Variants in EPHA8 observed in about 807,000 individuals in gnomAD.
EPHA8 encodes the protein EPH receptor A8.
In EPHA8, 58 loss-of-function variants were observed where a neutral mutation model predicts 103.6. The observed-to-expected ratio is 0.56, with a 90% CI of 0.45 to 0.70. EPHA8 has a LOEUF of 0.70. Ranked by LOEUF, EPHA8 falls within the 30% of genes least tolerant of loss-of-function variation. EPHA8 has a pLI of 0.00. For missense variants in EPHA8, 1,304 were observed against 1,395.2 expected (o/e 0.93, Z 1.04); for synonymous variants, 559 against 572.5 (o/e 0.98, Z 0.34).
intron 7 of EPHA8, among the ~76,000 whole-genome samples, chr1:22,594,353 C>T (rs1222467077): frequency 6.6e-6 from 1 of 152,256 alleles, no homozygotes; most frequent in Non-Finnish European, 1.5e-5. Context: ...GACAGCCCCC[C>T]ACACACCATG....
In EPHA8 at chr1:22,567,363, G is replaced by A. The variant is rs1569942404; in HGVS notation, c.95-1926G>A. Among the ~76,000 whole-genome samples, 1 of 152,294 alleles carries A rather than the reference G, an allele frequency of 6.6e-6. No homozygotes were observed. Among genetic ancestry groups the A allele is most frequent in the East Asian group, 1.9e-4 (1 of 5,162 alleles). On this transcript the variant is annotated intron_variant, in intron 1 of 16. Transcript: ENST00000166244. The surrounding 1 kb of genome is among the most constrained non-coding windows in gnomAD (Gnocchi z 4.2). ...TCCCCCTCCCACCAGCCAGCAGGAG[G>A]AGAGAGCTTGCCTGACCCAGTTTTC... is the stretch of plus-strand genomic sequence containing the variant.
chr1:22,592,072 T>C (rs1641387232), intron 5 of EPHA8, among the ~76,000 whole-genome samples: 1 of 152,116 alleles, frequency 6.6e-6, no homozygotes, highest in South Asian at 2.1e-4. Context: ...TCAGGAGTCC[T>C]AGAGGATCAA....
rs777852296 is a variant in EPHA8 at position 22,576,834 on chromosome 1, A to G, written c.777A>G (p.Lys259=). 1 of 1,609,028 alleles carries G rather than the reference A, an allele frequency of 6.2e-7. No homozygotes were observed. ...AEGEWLVPIG[K]CVCSAGYEER... is the part of the protein sequence containing the mutation. ...GCGAGTGGCTCGTGCCCATCGGCAA[A>G]TGCGTGTGCAGTGCCGGCTACGAGG... Residue 259 remains lysine (K), a synonymous_variant, in exon 3 of 17, where the codon AAA becomes AAG. Coordinates refer to ENST00000166244, the MANE Select transcript of EPHA8 (RefSeq NM_020526.5). The surrounding 1 kb of genome is among the most constrained non-coding windows in gnomAD (Gnocchi z 4.8).
At chr1:22,596,545 C>T (rs1408659133) in intron 9 of EPHA8, among the ~76,000 whole-genome samples, 1 of 152,260 alleles carries the variant, frequency 6.6e-6, no homozygotes, top group Non-Finnish European at 1.5e-5. Flanking sequence ...CACCCCACTC[C>T]TGTGCCCGTG....
At chr1:22,584,706 C>T (rs926818611) in intron 3 of EPHA8, among the ~76,000 whole-genome samples, 5 of 152,074 alleles carry the variant, frequency 3.3e-5, no homozygotes, top group African/African-American at 9.7e-5. Flanking sequence ...GTTCCATGGA[C>T]GGAGCCGGGA....
chr1:22,597,578 G>T lies in EPHA8; in HGVS notation c.1931-98G>T. 2 of 1,554,262 alleles carry T rather than the reference G, an allele frequency of 1.3e-6. No individual in the cohort carries two copies. The highest frequency in any genetic ancestry group is 1.9e-5 in the Admixed American group (1 of 54,042). On this transcript the variant is annotated intron_variant, in intron 10 of 16. Transcript: ENST00000166244. The surrounding 1 kb of genome is among the most constrained non-coding windows in gnomAD (Gnocchi z 4.6). Reference sequence around the variant, plus strand: ...GGGCAGAGGGAGCGTGTGACCCAGGGGTCTGGCAAGCCCAGGGGGTCCAAG... The same window carrying T: ...GGGCAGAGGGAGCGTGTGACCCAGGTGTCTGGCAAGCCCAGGGGGTCCAAG...
chr1:22,572,571 G>A (rs1640574646), intron 2 of EPHA8, among the ~76,000 whole-genome samples: 2 of 152,232 alleles, frequency 1.3e-5, no homozygotes, highest in African/African-American at 4.8e-5. Context: ...AACGAATGCT[G>A]CTTTAGGTAA....
intron 3 of EPHA8, among the ~76,000 whole-genome samples, chr1:22,580,032 C>A (rs1385532781): frequency 1.3e-5 from 2 of 151,718 alleles, no homozygotes; most frequent in East Asian, 3.9e-4. Context: ...ACTTAGGAGC[C>A]GTCTTGCCCA....
At chr1:22,570,737 G>A (rs1640520968) in intron 2 of EPHA8, among the ~76,000 whole-genome samples, 1 of 152,244 alleles carries the variant, frequency 6.6e-6, no homozygotes, top group Non-Finnish European at 1.5e-5. Flanking sequence ...CATGGCCCTG[G>A]CTCTCCAGGT....
rs373032976 is a variant in EPHA8 at position 22,601,468 on chromosome 1, C to T, written c.2898C>T (p.Asn966=). The T allele has an allele frequency of 7.5e-6, 12 of 1,609,450 alleles. No homozygotes were observed. The highest frequency in any genetic ancestry group is 3.3e-5 in the South Asian group (3 of 91,068). The change falls in exon 16 of 17, where the codon AAC becomes AAT. Residue 966 remains asparagine, a synonymous_variant. Coordinates refer to ENST00000166244, the MANE Select transcript of EPHA8 (RefSeq NM_020526.5). The part of the protein sequence containing the change: ...YSSLGMVLRM[N]AQDVRALGIT... ...CTCTGGGCATGGTGCTACGCATGAA[C>T]GCCCAGTGAGTGATGGGTGGGGCTG...
Position 22,576,856 on chromosome 1 carries a change from G to C in EPHA8, c.799G>C (p.Glu267Gln). The change falls in exon 3 of 17, where the codon GAG becomes CAG. Residue 267 changes from glutamate (E) to glutamine (Q), a missense_variant. Physicochemically the swap from Glu to Gln is conservative, Grantham distance 29. Coordinates refer to ENST00000166244, the MANE Select transcript of EPHA8 (RefSeq NM_020526.5). The surrounding 1 kb of genome is among the most constrained non-coding windows in gnomAD (Gnocchi z 4.8). ...CAAATGCGTGTGCAGTGCCGGCTAC[G>C]AGGAGCGGCGGGATGCCTGTGTGGG... ...IGKCVCSAGY[E>Q]ERRDACVACE... The C allele has an allele frequency of 6.3e-7, 1 of 1,598,392 alleles. No homozygotes were observed.
chr1:22,598,147 C>T lies in EPHA8; in HGVS notation c.2117-4C>T, dbSNP rs186358710. The T allele has an allele frequency of 2.0e-5, 32 of 1,613,446 alleles. No individual in the cohort carries two copies. In the African/African-American group the frequency reaches 4.0e-4, roughly 20 times the overall value. ...GAGCCACCCTCTCCCTACTGCCCGCCCAGGCCGCCTGGCAATGATTGTGAC... is the reference window on the plus strand; with the variant it reads ...GAGCCACCCTCTCCCTACTGCCCGCTCAGGCCGCCTGGCAATGATTGTGAC... On this transcript the variant is annotated splice_polypyrimidine_tract_variant and splice_region_variant and intron_variant, in intron 11 of 16. Coordinates refer to ENST00000166244, the MANE Select transcript of EPHA8 (RefSeq NM_020526.5). The surrounding 1 kb of genome is among the most constrained non-coding windows in gnomAD (Gnocchi z 5.1).
chr1:22,601,130 C>T (rs1641715120), intron 15 of EPHA8, 42 bp downstream of exon 15: 2 of 1,572,474 alleles, frequency 1.3e-6, no homozygotes, highest in Non-Finnish European at 1.7e-6. Flanking sequence ...CCAGCTGCCT[C>T]CCAGTATTGC....
rs1332468201 is a variant in EPHA8, at chr1:22,589,325, C to G, written c.1315+119C>G. 1.9e-6 allele frequency: 3 copies of G among 1,609,044 alleles called. No homozygotes were observed. In the South Asian group the frequency reaches 3.3e-5, roughly 18 times the overall value. On this transcript the variant is annotated intron_variant, in intron 5 of 16. Coordinates refer to ENST00000166244, the MANE Select transcript of EPHA8 (RefSeq NM_020526.5). The surrounding 1 kb of genome is among the most constrained non-coding windows in gnomAD (Gnocchi z 4.3). The stretch of plus-strand genomic sequence containing the variant: ...TGTGGGCCTTTAGGCAAGTGCCTCT[C>G]TGGCCCTGCGCTCCTCACCAGGACC...
intron 3 of EPHA8, among the ~76,000 whole-genome samples, chr1:22,583,487 C>G (rs1288695211): frequency 6.6e-6 from 1 of 152,192 alleles, no homozygotes; most frequent in Non-Finnish European, 1.5e-5. Flanking sequence ...GGCTCCCCCG[C>G]CTGACTGCAC....
Position 22,601,101 on chromosome 1 carries a change from C to A in EPHA8, c.2729+13C>A. On this transcript the variant is annotated intron_variant, in intron 15 of 16. Transcript: ENST00000166244. ...CCACAGTCAGCAGGTGCCTTGTGCC[C>A]ACCCCAGCTCCTTGAGGCCCAGCTG... 6.3e-7 allele frequency: 1 copy of A among 1,592,452 alleles called. No individual in the cohort carries two copies. Among genetic ancestry groups the A allele is most frequent in the South Asian group, 1.1e-5 (1 of 87,482 alleles).
At chr1:22,596,303 C>G (rs1167065907) in intron 9 of EPHA8, 130 bp downstream of exon 9, 6 of 893,508 alleles carry the variant, frequency 6.7e-6, no homozygotes, top group Non-Finnish European at 1.7e-6. Context: ...GAGGCAGATT[C>G]CAGGGTGTCA....
rs1569943366 is a variant in EPHA8 at position 22,567,858 on chromosome 1, A to G, written c.95-1431A>G. ...AAAGCCCATGGCTGTTGGCTGGGAG[A>G]AGGGGTCATGGAAGGCAGAGTGAAA... On this transcript the variant is annotated intron_variant, in intron 1 of 16. Transcript: ENST00000166244. This position sits in a 1 kb window ranked among gnomAD's most constrained non-coding sequence, Gnocchi z 4.2. 6.6e-6 allele frequency among the ~76,000 whole-genome samples: 1 copy of G among 152,046 alleles called. No individual in the cohort carries two copies. The highest frequency in any genetic ancestry group is 1.5e-5 in the Non-Finnish European group (1 of 68,028).
chr1:22,570,982 T>G (rs190143501), intron 2 of EPHA8, among the ~76,000 whole-genome samples: 1 of 152,328 alleles, frequency 6.6e-6, no homozygotes, highest in East Asian at 1.9e-4. Flanking sequence ...GGTCCCTCCC[T>G]CACTGCATGG....
Sources: gnomAD v4.1 joint callset for allele counts (sites outside exome capture counted in the v4.1 genomes callset) on GRCh38, gnomAD v4.1.1 for gene constraint, Gnocchi (gnomAD v3.1) non-coding constraint, MANE v1.5 for transcripts, NCBI Gene and HGNC (gene_info 2026-07-23, HGNC 2026-07-21) for gene names.